Variants in DRD3 observed in about 807,000 individuals in gnomAD.
The protein encoded by DRD3 is dopamine receptor D3.
DRD3 carries 19 observed loss-of-function variants against 36.3 expected under a neutral mutation model. The observed-to-expected ratio is 0.52, with a 90% CI of 0.36 to 0.77. The LOEUF is 0.77. Ranked by LOEUF, DRD3 falls within the 30% of genes least tolerant of loss-of-function variation. The pLI, the probability that DRD3 is intolerant of heterozygous loss-of-function variation, is 0.00. For missense variants in DRD3, 465 were observed against 505.3 expected (o/e 0.92, Z 0.77); for synonymous variants, 195 against 203.7 (o/e 0.96, Z 0.36).
At chr3:114,143,722 T>C (rs1230154165) in intron 4 of DRD3, among the ~76,000 whole-genome samples, 1 of 152,200 alleles carries the variant, frequency 6.6e-6, no homozygotes, top group African/African-American at 2.4e-5. Context: ...GAAAACTAGG[T>C]GAGATGTTCT....
At chr3:114,146,356 A>G (rs1300598709) in intron 4 of DRD3, among the ~76,000 whole-genome samples, 2 of 152,212 alleles carry the variant, frequency 1.3e-5, no homozygotes, top group African/African-American at 4.8e-5. Flanking sequence ...TTTCCTTAGC[A>G]CGCAGTGTAT....
At chr3:114,156,755 C>CTT (rs1188303522) in intron 3 of DRD3, among the ~76,000 whole-genome samples, 72 of 108,408 alleles carry the variant, frequency 6.6e-4, no homozygotes, top group African/African-American at 2.2e-3. Context: ...TTCTTTCTTT[C>CTT]TTTCTTTCTT....
intron 2 of DRD3, among the ~76,000 whole-genome samples, chr3:114,162,048 T>G (rs2077738117): frequency 6.6e-6 from 1 of 152,204 alleles, no homozygotes; most frequent in Non-Finnish European, 1.5e-5. Context: ...GAGCAAATAC[T>G]TGTGAAGCTC....
At chr3:114,153,049 G>T (rs116389048) in intron 3 of DRD3, among the ~76,000 whole-genome samples, 2,078 of 152,336 alleles carry the variant, frequency 0.014, 46 homozygotes, top group African/African-American at 0.046. Flanking sequence ...GGATGACTCC[G>T]CTGACCCCAG....
At chr3:114,134,669 C>T (rs2077460153) in intron 5 of DRD3, among the ~76,000 whole-genome samples, 1 of 152,154 alleles carries the variant, frequency 6.6e-6, no homozygotes, top group Non-Finnish European at 1.5e-5. Context: ...ATCCACCTAC[C>T]TCAGCCTCCC....
intron 2 of DRD3, among the ~76,000 whole-genome samples, chr3:114,169,736 C>T (rs16822414): frequency 6.6e-6 from 1 of 152,006 alleles, no homozygotes; most frequent in Non-Finnish European, 1.5e-5. Context: ...AATAGGAGCA[C>T]CAGTATATCA....
Position 114,139,703 on chromosome 3 carries a change from A to G in DRD3, c.527-7T>C. ...GAGCAGACAGTGGGGTCCCCTGTGG[A>G]TGAGAAGGGGGAAGGTAAAGCAGTT... On this transcript the variant is annotated splice_polypyrimidine_tract_variant and splice_region_variant and intron_variant, in intron 4 of 6. Transcript: ENST00000383673. 6.2e-7 allele frequency: 1 copy of G among 1,613,504 alleles called. No individual in the cohort carries two copies. Among genetic ancestry groups the G allele is most frequent in the Non-Finnish European group, 8.5e-7 (1 of 1,179,618 alleles).
At chr3:114,142,292 G>T (rs2077532937) in intron 4 of DRD3, among the ~76,000 whole-genome samples, 1 of 152,140 alleles carries the variant, frequency 6.6e-6, no homozygotes, top group Non-Finnish European at 1.5e-5. Context: ...GTGATAAGGA[G>T]GCGTTTCACA....
intron 5 of DRD3, among the ~76,000 whole-genome samples, chr3:114,137,997 CAAAAAAAAAAA>C (rs36094182): frequency 3.2e-5 from 2 of 62,226 alleles, no homozygotes; most frequent in African/African-American, 1.4e-4. Context: ...GACTCCGTCT[CAAAAAAAAAAA>C]AAAAAAAAAA....
intron 3 of DRD3, among the ~76,000 whole-genome samples, chr3:114,150,981 G>C (rs988105330): frequency 2.0e-5 from 3 of 152,200 alleles, no homozygotes; most frequent in African/African-American, 7.2e-5. Context: ...GACAAAGGTG[G>C]CTTCTTTCTC....
upstream of DRD3, among the ~76,000 whole-genome samples, chr3:114,183,907 A>G (rs1404996285): frequency 6.6e-6 from 1 of 151,912 alleles, no homozygotes; most frequent in Non-Finnish European, 1.5e-5. Flanking sequence ...TGTGTTTTTT[A>G]TCCATTCTGC....
chr3:114,147,615 T>G, intron 3 of DRD3, 58 bp from the exon 4 acceptor site: 1 of 1,576,536 alleles, frequency 6.3e-7, no homozygotes, highest in Non-Finnish European at 8.7e-7. Flanking sequence ...GTACTTTTCT[T>G]TCTGCGTTGT....
intron 3 of DRD3, among the ~76,000 whole-genome samples, chr3:114,154,116 A>C (rs1299254677): frequency 6.6e-6 from 1 of 152,162 alleles, no homozygotes; most frequent in Non-Finnish European, 1.5e-5. Context: ...CTGTGCTAAG[A>C]GGCTGCAGCA....
At chr3:114,132,365 A>C (rs908310036) in intron 5 of DRD3, among the ~76,000 whole-genome samples, 1 of 152,114 alleles carries the variant, frequency 6.6e-6, no homozygotes, top group Non-Finnish European at 1.5e-5. Context: ...GTGAGAACAC[A>C]TGGACAAAGG....
At chr3:114,161,764 G>C (rs1179770144) in intron 2 of DRD3, among the ~76,000 whole-genome samples, 1 of 152,096 alleles carries the variant, frequency 6.6e-6, no homozygotes, top group Non-Finnish European at 1.5e-5. Flanking sequence ...AATGATTTAG[G>C]GGAACCAAGA....
chr3:114,184,958 T>C (rs1000198926), intron 1 of DRD3, among the ~76,000 whole-genome samples: 1 of 152,210 alleles, frequency 6.6e-6, no homozygotes, highest in African/African-American at 2.4e-5. Flanking sequence ...TCCCACTACC[T>C]GATGGGCCAA....
intron 5 of DRD3, among the ~76,000 whole-genome samples, chr3:114,131,770 T>C (rs1338169982): frequency 2.0e-5 from 3 of 152,198 alleles, no homozygotes; most frequent in Admixed American, 2.0e-4. Context: ...TAGACACTTC[T>C]CAAAAGAAGA....
intron 2 of DRD3, among the ~76,000 whole-genome samples, chr3:114,171,288 T>A (rs979271291): frequency 4.6e-5 from 7 of 152,090 alleles, no homozygotes; most frequent in Non-Finnish European, 1.0e-4. Flanking sequence ...TCACTAATTT[T>A]TTTTTTCTAT....
intron 3 of DRD3, among the ~76,000 whole-genome samples, chr3:114,157,970 C>T (rs1403303369): frequency 1.3e-5 from 2 of 152,124 alleles, no homozygotes; most frequent in African/African-American, 4.8e-5. Flanking sequence ...GATGTGGTGG[C>T]TCATGCCTGT....
Sources: gnomAD v4.1 joint callset for allele counts (sites outside exome capture counted in the v4.1 genomes callset) on GRCh38, gnomAD v4.1.1 for gene constraint, MANE v1.5 for transcripts, NCBI Gene and HGNC (gene_info 2026-07-23, HGNC 2026-07-21) for gene names.